COL24A1: variants seen among roughly 807,000 people sequenced by gnomAD.
The protein encoded by COL24A1 is collagen alpha-1(XXIV) chain.
A neutral mutation model predicts 253.9 loss-of-function variants in COL24A1; 224 were observed. The observed-to-expected ratio is 0.88, with a 90% CI of 0.79 to 0.99. The LOEUF is 0.99. COL24A1 is among the 50% of genes least tolerant of loss of function. COL24A1 has a pLI of 0.00. For missense variants in COL24A1, 2,131 were observed against 2,068.5 expected (o/e 1.03, Z -0.59); for synonymous variants, 685 against 673.7 (o/e 1.02, Z -0.26).
intron 8 of COL24A1, among the ~76,000 whole-genome samples, chr1:86,061,456 C>T (rs1009865643): frequency 1.3e-5 from 2 of 151,942 alleles, no homozygotes; most frequent in African/African-American, 4.8e-5. Flanking sequence ...TAACTAACCT[C>T]GATAAAAAGT....
chr1:85,895,266 T>A (rs946529034), intron 31 of COL24A1, among the ~76,000 whole-genome samples: 2 of 151,910 alleles, frequency 1.3e-5, no homozygotes, highest in Non-Finnish European at 2.9e-5. Context: ...GGTAGGAAAA[T>A]AACTAGTATT....
chr1:86,086,685 A>T (rs1342178121), intron 7 of COL24A1, among the ~76,000 whole-genome samples: 1 of 152,180 alleles, frequency 6.6e-6, no homozygotes, highest in Non-Finnish European at 1.5e-5. Flanking sequence ...AAAGCAAGGA[A>T]ACATCAAACC....
intron 20 of COL24A1, among the ~76,000 whole-genome samples, chr1:85,972,699 A>G (rs1233233226): frequency 1.3e-5 from 2 of 152,214 alleles, no homozygotes; most frequent in Non-Finnish European, 2.9e-5. Flanking sequence ...CATGTGACAG[A>G]CATCTAAGTC....
intron 5 of COL24A1, among the ~76,000 whole-genome samples, chr1:86,105,450 C>T (rs1279542583): frequency 1.3e-5 from 2 of 152,168 alleles, no homozygotes; most frequent in Non-Finnish European, 2.9e-5. Context: ...TGCGGGCCCC[C>T]AGGGCCCCAG....
At chr1:85,967,717 C>G (rs1286903088) in intron 22 of COL24A1, among the ~76,000 whole-genome samples, 1 of 152,162 alleles carries the variant, frequency 6.6e-6, no homozygotes, top group Non-Finnish European at 1.5e-5. Flanking sequence ...GCATTAGATT[C>G]TCATAAAGAT....
chr1:85,869,583 T>A (rs1680193084), intron 35 of COL24A1, among the ~76,000 whole-genome samples: 1 of 152,186 alleles, frequency 6.6e-6, no homozygotes, highest in African/African-American at 2.4e-5. Flanking sequence ...CAGAATTTCA[T>A]ATTCAGCCAA....
intron 19 of COL24A1, among the ~76,000 whole-genome samples, chr1:86,013,648 C>A (rs1184898871): frequency 6.6e-6 from 1 of 152,120 alleles, no homozygotes; most frequent in African/African-American, 2.4e-5. Flanking sequence ...CCAGCTTAGT[C>A]AACATGGCAA....
rs1352043727 is a variant in COL24A1, at chr1:85,965,151, A to G, written c.2464-89T>C. 3.1e-6 allele frequency: 3 copies of G among 953,370 alleles called. No individual in the cohort carries two copies. The African/African-American group carries it at 5.1e-5, about 16-fold the overall frequency. 59.1% of individuals were successfully genotyped at this position (953,370 alleles called of 1,614,324 possible). A position where few individuals can be genotyped will look rare whatever the true frequency, so the allele number is the denominator to read the frequency against. The stretch of plus-strand genomic sequence containing the variant: ...TCCTAAGATATATGAAATTTAGACT[A>G]TTCTTATAAATTTAAATACTTTAAA... On this transcript the variant is annotated intron_variant, in intron 22 of 59. Coordinates refer to ENST00000370571, the MANE Select transcript of COL24A1 (RefSeq NM_152890.7).
At chr1:85,834,423 A>G (rs1444088617) in intron 43 of COL24A1, among the ~76,000 whole-genome samples, 1 of 152,202 alleles carries the variant, frequency 6.6e-6, no homozygotes, top group East Asian at 1.9e-4. Context: ...GGACATAACA[A>G]GAGGAAGATC....
chr1:86,061,054 A>T (rs1012926151), intron 8 of COL24A1, among the ~76,000 whole-genome samples: 1 of 152,048 alleles, frequency 6.6e-6, no homozygotes, highest in Non-Finnish European at 1.5e-5. Flanking sequence ...AAAATGAGAC[A>T]TAAGGTGTTT....
intron 24 of COL24A1, among the ~76,000 whole-genome samples, chr1:85,944,144 T>C (rs1689012499): frequency 6.6e-6 from 1 of 152,236 alleles, no homozygotes; most frequent in South Asian, 2.1e-4. Flanking sequence ...TCACTGCAGC[T>C]TTTGTATTGA....
At chr1:85,768,164 A>T (rs1227372383) in intron 53 of COL24A1, among the ~76,000 whole-genome samples, 1 of 152,188 alleles carries the variant, frequency 6.6e-6, no homozygotes, top group African/African-American at 2.4e-5. Flanking sequence ...GGTTAAAAAA[A>T]GGCATATTCC....
Position 85,856,625 on chromosome 1 carries a change from G to A in COL24A1, c.3301-7219C>T, listed in dbSNP as rs574834807. On this transcript the variant is annotated intron_variant, in intron 37 of 59. Transcript: ENST00000370571. ...TTGTATTTGGTATGTTAAACTTTAC[G>A]CGTCCAAAACCAAAGTCTCTAAATC... Among the ~76,000 whole-genome samples, 5 of 152,034 alleles carry A rather than the reference G, an allele frequency of 3.3e-5. No individual in the cohort carries two copies. The East Asian group carries it at 5.8e-4, about 18-fold the overall frequency.
At chr1:85,888,825 A>C (rs766472811) in intron 32 of COL24A1, among the ~76,000 whole-genome samples, 4 of 152,120 alleles carry the variant, frequency 2.6e-5, no homozygotes, top group Non-Finnish European at 5.9e-5. Context: ...AACTAAATGA[A>C]TTATACAAAA....
intron 24 of COL24A1, among the ~76,000 whole-genome samples, chr1:85,914,304 A>ATGTGTGTGTGTG (rs71078628): frequency 1.7e-4 from 23 of 139,262 alleles, no homozygotes; most frequent in East Asian, 4.2e-4. Context: ...TTTGTCATGA[A>ATGTGTGTGTGTG]TGTGTGTGTG....
chr1:85,811,972 T>C (rs1313428311), intron 47 of COL24A1, among the ~76,000 whole-genome samples: 2 of 152,204 alleles, frequency 1.3e-5, no homozygotes, highest in Non-Finnish European at 1.5e-5. Flanking sequence ...GAAACCCTGC[T>C]TATATCTGTA....
rs1376429091 is a variant in COL24A1 at position 86,063,383 on chromosome 1, T to TGTGTGTGTGTGTG, written c.1752+331_1752+332insCACACACACACAC. 8.3e-5 allele frequency among the ~76,000 whole-genome samples: 12 copies of TGTGTGTGTGTGTG among 144,466 alleles called. No homozygotes were observed. The East Asian group carries it at 1.2e-3, about 14-fold the overall frequency. 94.8% of individuals were successfully genotyped at this position (144,466 alleles called of 152,430 possible). On this transcript the variant is annotated intron_variant, in intron 8 of 59. Transcript: ENST00000370571. ...TCTGTGTGTGTGTGTGTGTGTGTGT[T>TGTGTGTGTGTGTG]TGTATGTGTATGGATATGTATATTT...
intron 24 of COL24A1, among the ~76,000 whole-genome samples, chr1:85,926,393 C>T (rs1011768110): frequency 9.9e-5 from 15 of 152,192 alleles, no homozygotes; most frequent in Admixed American, 7.2e-4. Flanking sequence ...TATTGCGGCA[C>T]AATAGCCAAA....
chr1:86,097,644 C>CCTCCTCCTCCTCCTCCCCTT (rs1200978968), intron 5 of COL24A1, among the ~76,000 whole-genome samples: 2 of 128,400 alleles, frequency 1.6e-5, no homozygotes, highest in African/African-American at 6.0e-5. Context: ...TCTTATTCTT[C>CCTCCTCCTCCTCCTCCCCTT]CTCCTCCTCC....
Sources: allele counts gnomAD v4.1 joint callset (sites outside exome capture counted in the v4.1 genomes callset), GRCh38; gene constraint gnomAD v4.1.1; transcripts MANE v1.5; gene names NCBI Gene and HGNC (gene_info 2026-07-23, HGNC 2026-07-21).